Variants in HAPLN1 observed in about 807,000 individuals in gnomAD.
HAPLN1 encodes hyaluronan and proteoglycan link protein 1, also known as Cartilage link protein.
HAPLN1 carries 13 observed loss-of-function variants against 36.5 expected under a neutral mutation model. That is an observed-to-expected ratio of 0.36 (90% CI 0.23 to 0.57). The LOEUF is 0.57. Ranked by LOEUF, HAPLN1 falls within the 20% of genes least tolerant of loss-of-function variation. The pLI is 0.83. For synonymous variants in HAPLN1, 202 were observed against 169.8 expected (o/e 1.19, Z -1.48); for missense variants, 407 against 439.7 (o/e 0.93, Z 0.66).
intron 2 of HAPLN1, among the ~76,000 whole-genome samples, chr5:83,668,412 G>A (rs555814581): frequency 7.0e-4 from 106 of 152,306 alleles, no homozygotes; most frequent in Non-Finnish European, 4.4e-5. Flanking sequence ...AGGTAGCCTG[G>A]GACAAGCAAT....
chr5:83,685,834 CG>C (rs1751106066), intron 1 of HAPLN1: 1 of 152,068 alleles, frequency 6.6e-6, no homozygotes, highest in Non-Finnish European at 1.5e-5. Context: ...TCTCTCTTGT[CG>C]GTGCCTCAAT....
chr5:83,677,315 C>T (rs141124267), intron 1 of HAPLN1, among the ~76,000 whole-genome samples: 4 of 152,270 alleles, frequency 2.6e-5, no homozygotes, highest in Admixed American at 2.0e-4. Context: ...ACCCCAGAGA[C>T]GCATTCCCAA....
intron 1 of HAPLN1, among the ~76,000 whole-genome samples, chr5:83,701,227 C>T (rs1016999177): frequency 6.6e-6 from 1 of 152,200 alleles, no homozygotes; most frequent in African/African-American, 2.4e-5. Flanking sequence ...TAATGCTTTG[C>T]ATTTAGAAAT....
At chr5:83,653,467 A>G (rs1043547187) in intron 2 of HAPLN1, among the ~76,000 whole-genome samples, 14 of 152,228 alleles carry the variant, frequency 9.2e-5, no homozygotes, top group African/African-American at 3.4e-4. Context: ...TAATTTTAAT[A>G]AATGCTTTCG....
intron 1 of HAPLN1, among the ~76,000 whole-genome samples, chr5:83,719,962 T>C (rs774599457): frequency 2.6e-5 from 4 of 152,216 alleles, no homozygotes; most frequent in Non-Finnish European, 4.4e-5. Context: ...CCACTGTGTG[T>C]ATTTTTCCAG....
chr5:83,668,976 T>A (rs551649254), intron 2 of HAPLN1, among the ~76,000 whole-genome samples: 1 of 152,340 alleles, frequency 6.6e-6, no homozygotes, highest in African/African-American at 2.4e-5. Flanking sequence ...TTCTGGCAAT[T>A]CCTTATTAAG....
chr5:83,638,433 T>C lies in HAPLN1; in HGVS notation c.*3063A>G, dbSNP rs1377092519. 6.6e-6 allele frequency: 1 copy of C among 152,066 alleles called. No homozygotes were observed. The highest frequency in any genetic ancestry group is 1.5e-5 in the Non-Finnish European group (1 of 67,922). 9.4% of individuals were successfully genotyped at this position (152,066 alleles called of 1,614,324 possible). A position where few individuals can be genotyped will look rare whatever the true frequency, so the allele number is the denominator to read the frequency against. Reference sequence around the variant, plus strand: ...CTGGCAGTAGTGAGCTACGATACAGTTAACTTCTTAACAAAACGATGTCAG... The same window carrying C: ...CTGGCAGTAGTGAGCTACGATACAGCTAACTTCTTAACAAAACGATGTCAG... On this transcript the variant is annotated 3_prime_UTR_variant, in exon 5 of 5. Coordinates refer to ENST00000274341, the MANE Select transcript of HAPLN1 (RefSeq NM_001884.4).
At chr5:83,714,196 C>A (rs1313455947) in intron 1 of HAPLN1, among the ~76,000 whole-genome samples, 1 of 151,998 alleles carries the variant, frequency 6.6e-6, no homozygotes, top group Non-Finnish European at 1.5e-5. Context: ...GGCTAATGAC[C>A]CCTCTCCTCT....
At chr5:83,715,739 T>G (rs1201168651) in intron 1 of HAPLN1, among the ~76,000 whole-genome samples, 2 of 152,218 alleles carry the variant, frequency 1.3e-5, no homozygotes, top group African/African-American at 2.4e-5. Flanking sequence ...CAGGCCCATC[T>G]GTGTCCACAC....
intron 1 of HAPLN1, among the ~76,000 whole-genome samples, chr5:83,686,314 G>A (rs182511166): frequency 1.3e-5 from 2 of 152,202 alleles, no homozygotes; most frequent in Admixed American, 6.5e-5. Context: ...GTAAAACAAC[G>A]AAACAGCTGT....
At chr5:83,698,844 T>G (rs183632165) in intron 1 of HAPLN1, among the ~76,000 whole-genome samples, 2 of 152,222 alleles carry the variant, frequency 1.3e-5, no homozygotes, top group Non-Finnish European at 2.9e-5. Flanking sequence ...CTAAAATAAG[T>G]GAAATGAATT....
At chr5:83,675,630 T>C (rs1483922992) in intron 1 of HAPLN1, among the ~76,000 whole-genome samples, 1 of 152,220 alleles carries the variant, frequency 6.6e-6, no homozygotes. Flanking sequence ...ATTATACTAC[T>C]AAGGGTTCAT....
At chr5:83,649,399 T>C (rs960821828) in intron 3 of HAPLN1, among the ~76,000 whole-genome samples, 4 of 152,198 alleles carry the variant, frequency 2.6e-5, no homozygotes, top group African/African-American at 7.2e-5. Flanking sequence ...TCATTACCTT[T>C]TGAAAGGCTT....
chr5:83,643,422 A>T (rs951695659), intron 4 of HAPLN1, among the ~76,000 whole-genome samples: 8 of 151,022 alleles, frequency 5.3e-5, no homozygotes, highest in Middle Eastern at 3.5e-3. Flanking sequence ...TTCCCAAAGC[A>T]TGTCACCAGG....
intron 1 of HAPLN1, among the ~76,000 whole-genome samples, chr5:83,678,332 G>A (rs906563481): frequency 2.6e-5 from 4 of 151,696 alleles, no homozygotes; most frequent in African/African-American, 9.7e-5. Flanking sequence ...ATAGGCAGAT[G>A]GGTATTTTCC....
intron 1 of HAPLN1, among the ~76,000 whole-genome samples, chr5:83,689,399 T>G (rs1318893931): frequency 6.6e-6 from 1 of 152,084 alleles, no homozygotes; most frequent in Non-Finnish European, 1.5e-5. Context: ...TATGTTTCCC[T>G]GGAAATATAG....
chr5:83,657,893 A>C (rs1253878546), intron 2 of HAPLN1, among the ~76,000 whole-genome samples: 1 of 152,064 alleles, frequency 6.6e-6, no homozygotes, highest in Non-Finnish European at 1.5e-5. Context: ...ATACTCTACC[A>C]CCATCATTTA....
At chr5:83,685,094 T>A (rs1488682699) in intron 1 of HAPLN1, among the ~76,000 whole-genome samples, 1 of 152,228 alleles carries the variant, frequency 6.6e-6, no homozygotes, top group East Asian at 1.9e-4. Context: ...CATTTCTACA[T>A]TTAATATTAA....
intron 3 of HAPLN1, among the ~76,000 whole-genome samples, chr5:83,649,731 G>A (rs1749998068): frequency 1.3e-5 from 2 of 152,190 alleles, no homozygotes; most frequent in Admixed American, 1.3e-4. Flanking sequence ...TTACAGGCGT[G>A]AACCACCATG....
Sources: gnomAD v4.1 joint callset for allele counts (sites outside exome capture counted in the v4.1 genomes callset) on GRCh38, gnomAD v4.1.1 for gene constraint, MANE v1.5 for transcripts, NCBI Gene and HGNC (gene_info 2026-07-23, HGNC 2026-07-21) for gene names.